Variants in NRXN3 observed in about 807,000 individuals in gnomAD.
NRXN3 encodes neurexin 3, also known as neurexin III.
NRXN3 carries 32 observed loss-of-function variants against 137.6 expected under a neutral mutation model. That is an observed-to-expected ratio of 0.23 (90% CI 0.18 to 0.31). NRXN3 has a LOEUF of 0.31. Ranked by LOEUF, NRXN3 falls within the 10% of genes least tolerant of loss-of-function variation. NRXN3 has a pLI of 1.00. For missense variants in NRXN3, 1,574 were observed against 2,062.5 expected, an observed-to-expected ratio of 0.76 and a Z score of 4.59; for synonymous variants, 798 against 784.5, an observed-to-expected ratio of 1.02 and a Z score of -0.29.
At chr14:79,639,448 G>T (rs569563638) in intron 16 of NRXN3, among the ~76,000 whole-genome samples, 1 of 151,880 alleles carries the variant, frequency 6.6e-6, no homozygotes, top group Non-Finnish European at 1.5e-5. Flanking sequence ...TTTGTGATTA[G>T]TTGTAGTTGA....
At chr14:79,077,888 A>G (rs1420485475) in intron 15 of NRXN3, among the ~76,000 whole-genome samples, 1 of 152,182 alleles carries the variant, frequency 6.6e-6, no homozygotes, top group Non-Finnish European at 1.5e-5. Context: ...GGTATATATA[A>G]GTAAGGTTTA....
intron 15 of NRXN3, among the ~76,000 whole-genome samples, chr14:79,460,012 A>G (rs2096308745): frequency 6.6e-6 from 1 of 152,112 alleles, no homozygotes; most frequent in East Asian, 1.9e-4. Context: ...TTTTTGTGAT[A>G]TAACAGCTTC....
intron 4 of NRXN3, among the ~76,000 whole-genome samples, chr14:78,581,323 TC>T (rs1209347688): frequency 6.6e-6 from 1 of 152,196 alleles, no homozygotes; most frequent in African/African-American, 2.4e-5. Flanking sequence ...GTCTGGGAAG[TC>T]CAAGATCCAG....
Position 79,562,581 on chromosome 14 carries a change from C to T in NRXN3, c.3444+95179C>T, listed in dbSNP as rs904665660. Among the ~76,000 whole-genome samples, 5 of 152,162 alleles carry T rather than the reference C, an allele frequency of 3.3e-5. 1 individual carries two copies. Among genetic ancestry groups the T allele is most frequent in the Non-Finnish European group, 7.3e-5 (5 of 68,028 alleles). On this transcript the variant is annotated intron_variant, in intron 16 of 20. Transcript: ENST00000335750. ...AATTGCTATCACTCTGCCAGTTTTA[C>T]ACCTACATCCCTATTAGTTCCTGTC...
At chr14:79,602,543 A>T (rs2097938732) in intron 16 of NRXN3, among the ~76,000 whole-genome samples, 2 of 152,082 alleles carry the variant, frequency 1.3e-5, no homozygotes, top group African/African-American at 4.8e-5. Context: ...CAGTAGTGGG[A>T]TGGAATGTGC....
chr14:78,493,667 G>A (rs1351657133), intron 4 of NRXN3, among the ~76,000 whole-genome samples: 5 of 152,074 alleles, frequency 3.3e-5, no homozygotes, highest in Admixed American at 2.0e-4. Flanking sequence ...AATGGATTCA[G>A]CTTCATATAG....
At chr14:78,233,132 A>G (rs1335750843) in intron 1 of NRXN3, among the ~76,000 whole-genome samples, 1 of 152,208 alleles carries the variant, frequency 6.6e-6, no homozygotes, top group Non-Finnish European at 1.5e-5. Flanking sequence ...AAGATTGTCA[A>G]GGCATGGTAA....
At chr14:79,458,430 A>G (rs866612732) in intron 15 of NRXN3, among the ~76,000 whole-genome samples, 8 of 152,268 alleles carry the variant, frequency 5.3e-5, no homozygotes, top group Admixed American at 2.0e-4. Context: ...ATTAATGAAC[A>G]TTGTATATTC....
At chr14:79,095,780 A>G (rs59140791) in intron 15 of NRXN3, among the ~76,000 whole-genome samples, 4,152 of 152,246 alleles carry the variant, frequency 0.027, 184 homozygotes, top group African/African-American at 0.094. Flanking sequence ...CTGGATTTTG[A>G]AAAGTTGTCT....
At position 79,142,993 on chromosome 14, in the gene NRXN3, C is replaced by T. The variant is rs377523280; in HGVS notation, c.3262+154852C>T. On this transcript the variant is annotated intron_variant, in intron 15 of 20. Transcript: ENST00000335750. ...TCTCAATAAAGATTAGATTTAATTA[C>T]GAAAATATCATCTATTTATTTGCCA... 2.3e-4 allele frequency among the ~76,000 whole-genome samples: 35 copies of T among 152,284 alleles called. 1 individual carries two copies. Among genetic ancestry groups the T allele is most frequent in the East Asian group, 5.8e-4 (3 of 5,184 alleles).
chr14:78,406,545 G>A (rs755774298), intron 4 of NRXN3, among the ~76,000 whole-genome samples: 2 of 152,290 alleles, frequency 1.3e-5, no homozygotes, highest in South Asian at 2.1e-4. Flanking sequence ...GAAGGGGAAC[G>A]AATGGTTGGT....
At chr14:78,288,678 CT>C (rs2075451418) in intron 3 of NRXN3, among the ~76,000 whole-genome samples, 1 of 152,100 alleles carries the variant, frequency 6.6e-6, no homozygotes, top group Non-Finnish European at 1.5e-5. Flanking sequence ...TGGAATGATT[CT>C]TTTCTAAAAG....
chr14:78,360,237 G>A (rs2084919961), intron 4 of NRXN3, among the ~76,000 whole-genome samples: 6 of 152,084 alleles, frequency 3.9e-5, no homozygotes, highest in Admixed American at 3.9e-4. Context: ...TCTTAAAGAT[G>A]CAAGTTCATG....
intron 16 of NRXN3, among the ~76,000 whole-genome samples, chr14:79,562,136 A>T (rs181000567): frequency 6.6e-6 from 1 of 152,262 alleles, no homozygotes; most frequent in African/African-American, 2.4e-5. Context: ...AAGCAGGTGG[A>T]ATATACCCCC....
chr14:79,008,525 T>C (rs1415889361), intron 15 of NRXN3, among the ~76,000 whole-genome samples: 2 of 151,938 alleles, frequency 1.3e-5, no homozygotes, highest in East Asian at 3.9e-4. Context: ...TATAATTACT[T>C]TGAGCTTGCC....
intron 10 of NRXN3, among the ~76,000 whole-genome samples, chr14:78,829,692 TTAAAA>T (rs1342063589): frequency 6.6e-6 from 1 of 152,186 alleles, no homozygotes; most frequent in African/African-American, 2.4e-5. Flanking sequence ...CTGAAGGTTT[TTAAAA>T]TAAAATTATT....
At chr14:78,957,536 C>A (rs1257019737) in intron 11 of NRXN3, among the ~76,000 whole-genome samples, 175 bp downstream of exon 11, 1 of 152,152 alleles carries the variant, frequency 6.6e-6, no homozygotes, top group African/African-American at 2.4e-5. Flanking sequence ...TTTTACAATA[C>A]CTTTTCATCA....
At chr14:79,280,331 C>T (rs2081069762) in intron 15 of NRXN3, 9 of 1,614,070 alleles carry the variant, frequency 5.6e-6, no homozygotes, top group Non-Finnish European at 7.6e-6. Flanking sequence ...CCCTCCTCGC[C>T]GGCCGGCCTG....
chr14:79,216,571 G>A (rs900919222), intron 15 of NRXN3, among the ~76,000 whole-genome samples: 4 of 152,104 alleles, frequency 2.6e-5, no homozygotes, highest in African/African-American at 9.7e-5. Flanking sequence ...AAAAAATAGT[G>A]TACCTTTATA....
Sources: gnomAD v4.1 joint callset for allele counts (sites outside exome capture counted in the v4.1 genomes callset) on GRCh38, gnomAD v4.1.1 for gene constraint, MANE v1.5 for transcripts, NCBI Gene and HGNC (gene_info 2026-07-23, HGNC 2026-07-21) for gene names.